UNC5D: variants seen among roughly 807,000 people sequenced by gnomAD.
UNC5D encodes unc-5 netrin receptor D.
In UNC5D, 39 loss-of-function variants were observed where a neutral mutation model predicts 105.4. The ratio of observed to expected loss-of-function variants is 0.37; its 90% confidence interval spans 0.29 to 0.48. The LOEUF is 0.48. UNC5D is among the 20% of genes least tolerant of loss of function. The pLI, the probability that UNC5D is intolerant of heterozygous loss-of-function variation, is 0.98. For synonymous variants in UNC5D, 452 were observed against 450.4 expected (o/e 1.00, Z -0.04); for missense variants, 991 against 1,202.4 (o/e 0.82, Z 2.60).
intron 1 of UNC5D, among the ~76,000 whole-genome samples, chr8:35,394,573 G>C (rs890207132): frequency 2.0e-5 from 3 of 151,362 alleles, no homozygotes; most frequent in Admixed American, 1.3e-4. Flanking sequence ...TTTATGATGA[G>C]CATTTATTTT....
chr8:35,240,777 G>C (rs1158041660), intron 1 of UNC5D, among the ~76,000 whole-genome samples: 1 of 152,192 alleles, frequency 6.6e-6, no homozygotes, highest in Non-Finnish European at 1.5e-5. Flanking sequence ...AAGAGGCATA[G>C]AGGAATTTAG....
At chr8:35,253,745 T>A (rs538384615) in intron 1 of UNC5D, among the ~76,000 whole-genome samples, 10 of 152,056 alleles carry the variant, frequency 6.6e-5, no homozygotes, top group African/African-American at 2.4e-4. Context: ...CGCCTCGGCC[T>A]CCCAAAATGC....
chr8:35,618,512 T>C (rs992841808), intron 4 of UNC5D, among the ~76,000 whole-genome samples: 3 of 152,112 alleles, frequency 2.0e-5, no homozygotes, highest in African/African-American at 4.8e-5. Flanking sequence ...AAATACTAGA[T>C]TTTATTTATA....
intron 2 of UNC5D, among the ~76,000 whole-genome samples, chr8:35,555,112 A>C (rs1328033007): frequency 6.6e-6 from 1 of 152,238 alleles, no homozygotes; most frequent in Non-Finnish European, 1.5e-5. Flanking sequence ...TTTGGGAAGC[A>C]TATATTTTAG....
At chr8:35,618,592 A>G (rs1821169677) in intron 4 of UNC5D, among the ~76,000 whole-genome samples, 1 of 152,210 alleles carries the variant, frequency 6.6e-6, no homozygotes, top group Non-Finnish European at 1.5e-5. Context: ...ATGGTTAGTT[A>G]CCATACATTG....
At chr8:35,565,904 T>A (rs1200247543) in intron 2 of UNC5D, among the ~76,000 whole-genome samples, 1 of 152,218 alleles carries the variant, frequency 6.6e-6, no homozygotes, top group Non-Finnish European at 1.5e-5. Context: ...TCTGTGACAT[T>A]CTTCCCTCTT....
chr8:35,490,330 C>T (rs978430106), intron 1 of UNC5D, among the ~76,000 whole-genome samples: 25 of 152,062 alleles, frequency 1.6e-4, no homozygotes, highest in African/African-American at 5.1e-4. Flanking sequence ...TAGCAAGACC[C>T]CATCTCTACA....
intron 4 of UNC5D, among the ~76,000 whole-genome samples, chr8:35,648,076 T>C (rs1346150055): frequency 6.6e-6 from 1 of 152,140 alleles, no homozygotes; most frequent in Non-Finnish European, 1.5e-5. Context: ...TAGGACAATC[T>C]GGAGTCCTCT....
intron 1 of UNC5D, among the ~76,000 whole-genome samples, chr8:35,284,021 G>A (rs2128853515): frequency 6.6e-6 from 1 of 152,186 alleles, no homozygotes; most frequent in Middle Eastern, 3.4e-3. Flanking sequence ...GTCTTTTTTG[G>A]AATGGATTCA....
chr8:35,605,211 G>A (rs537024550), intron 4 of UNC5D, among the ~76,000 whole-genome samples: 6 of 152,292 alleles, frequency 3.9e-5, no homozygotes, highest in African/African-American at 1.4e-4. Context: ...GTGATGTACA[G>A]ATGGGTTTTT....
chr8:35,401,211 C>T (rs1433020126), intron 1 of UNC5D, among the ~76,000 whole-genome samples: 6 of 152,020 alleles, frequency 3.9e-5, no homozygotes, highest in African/African-American at 1.4e-4. Flanking sequence ...GGGCCAGGTG[C>T]AGTGGTTCAC....
intron 1 of UNC5D, among the ~76,000 whole-genome samples, chr8:35,366,242 C>T (rs1236228954): frequency 6.6e-6 from 1 of 151,894 alleles, no homozygotes; most frequent in Non-Finnish European, 1.5e-5. Flanking sequence ...TATTTTTTCA[C>T]TGTTTTTCCT....
chr8:35,455,841 C>A (rs1213676292), intron 1 of UNC5D, among the ~76,000 whole-genome samples: 4 of 151,978 alleles, frequency 2.6e-5, no homozygotes, highest in Non-Finnish European at 4.4e-5. Flanking sequence ...TTACTCACTA[C>A]CACAAGAACA....
Position 35,684,478 on chromosome 8 carries a change from C to T in UNC5D, c.752-104C>T. ...TGGGGGCTGCACAGTCTCTCGGTCC[C>T]TGGATGCCTGACTCACAGCACCTGG... is the stretch of plus-strand genomic sequence containing the variant. On this transcript the variant is annotated intron_variant, in intron 5 of 16. Transcript: ENST00000404895. 4 of 1,418,696 alleles carry T rather than the reference C, an allele frequency of 2.8e-6. No individual in the cohort carries two copies. The South Asian group carries it at 4.4e-5, about 15-fold the overall frequency. 87.9% of individuals were successfully genotyped at this position (1,418,696 alleles called of 1,614,324 possible).
At chr8:35,625,333 T>C (rs1447033870) in intron 4 of UNC5D, among the ~76,000 whole-genome samples, 1 of 152,258 alleles carries the variant, frequency 6.6e-6, no homozygotes, top group Non-Finnish European at 1.5e-5. Flanking sequence ...TTCTGGTGGA[T>C]ATCTACATAA....
intron 1 of UNC5D, among the ~76,000 whole-genome samples, chr8:35,524,233 ACTCT>A (rs1190498818): frequency 1.0e-4 from 8 of 78,108 alleles, no homozygotes; most frequent in Admixed American, 4.5e-4. Context: ...AGGGCAGCTG[ACTCT>A]CTCATGTGGA....
At chr8:35,772,322 G>T (rs1802045368) in intron 15 of UNC5D, among the ~76,000 whole-genome samples, 1 of 152,152 alleles carries the variant, frequency 6.6e-6, no homozygotes, top group African/African-American at 2.4e-5. Context: ...AATAGTTACA[G>T]AGAGACAAAA....
chr8:35,578,625 C>T (rs1818264302), intron 3 of UNC5D, among the ~76,000 whole-genome samples: 1 of 152,194 alleles, frequency 6.6e-6, no homozygotes, highest in Non-Finnish European at 1.5e-5. Context: ...TTTTTAGTTT[C>T]CATCCGTAGA....
intron 1 of UNC5D, among the ~76,000 whole-genome samples, chr8:35,329,138 T>C (rs545215968): frequency 6.6e-6 from 1 of 152,254 alleles, no homozygotes; most frequent in African/African-American, 2.4e-5. Context: ...ACTCATAAAA[T>C]AGATGTTATT....
Sources: allele counts gnomAD v4.1 joint callset (sites outside exome capture counted in the v4.1 genomes callset), GRCh38; gene constraint gnomAD v4.1.1; transcripts MANE v1.5; gene names NCBI Gene and HGNC (gene_info 2026-07-23, HGNC 2026-07-21).